The following ZNF428 variants were observed in gnomAD, a reference collection of about 807,000 sequenced individuals.
The protein encoded by ZNF428 is enzyme-like protein PIT13.
ZNF428 carries 5 observed loss-of-function variants against 15.6 expected under a neutral mutation model. The ratio of observed to expected loss-of-function variants is 0.32; its 90% confidence interval spans 0.17 to 0.67. The LOEUF (loss-of-function observed/expected upper bound fraction) is 0.67, where lower values mean the gene tolerates loss of function less well. ZNF428 is among the 30% of genes least tolerant of loss of function. ZNF428 has a pLI of 0.73. For missense variants in ZNF428, 237 were observed against 256.0 expected (o/e 0.93, Z 0.51); for synonymous variants, 97 against 102.2 (o/e 0.95, Z 0.31).
intron 2 of ZNF428, among the ~76,000 whole-genome samples, chr19:43,610,512 T>A (rs1973284465): frequency 6.6e-6 from 1 of 151,162 alleles, no homozygotes. Context: ...TTTTTCTCCA[T>A]CTTCTGACTC....
chr19:43,613,425 G>A (rs993083493), intron 2 of ZNF428: 1 of 1,528,516 alleles, frequency 6.5e-7, no homozygotes. Context: ...AACAAGGCGA[G>A]AGATTGCAGC....
Position 43,612,083 on chromosome 19 carries a change from A to T in ZNF428, c.76+2146T>A. On this transcript the variant is annotated intron_variant, in intron 2 of 2. Transcript: ENST00000300811. The surrounding 1 kb of genome is among the most constrained non-coding windows in gnomAD (Gnocchi z 4.2). ...CACGGCTACCAGGTGTTTCATGTCT[A>T]CTGTGACTTCCAGGACCACAAGCCC... 2 of 1,461,178 alleles carry T rather than the reference A, an allele frequency of 1.4e-6. No homozygotes were observed. Among genetic ancestry groups the T allele is most frequent in the Non-Finnish European group, 1.9e-6 (2 of 1,066,860 alleles). 90.5% of individuals were successfully genotyped at this position (1,461,178 alleles called of 1,614,324 possible).
rs1300076940 is a variant in ZNF428, at chr19:43,607,582, C to T, written c.*35G>A. 1 of 1,539,918 alleles carries T rather than the reference C, an allele frequency of 6.5e-7. No homozygotes were observed. On this transcript the variant is annotated 3_prime_UTR_variant, in exon 3 of 3. Transcript: ENST00000300811. This position sits in a 1 kb window ranked among gnomAD's most constrained non-coding sequence, Gnocchi z 5.1. ...TCCTCAGCCCCCTCCTCCCACCCCACCCCTTCTGCCAAGCTCCCCGTATGG... is the reference window on the plus strand; with the variant it reads ...TCCTCAGCCCCCTCCTCCCACCCCATCCCTTCTGCCAAGCTCCCCGTATGG...
At chr19:43,608,192 C>A in intron 2 of ZNF428, 85 bp from the exon 3 acceptor site, 1 of 1,525,306 alleles carries the variant, frequency 6.6e-7, no homozygotes, top group South Asian at 1.3e-5. Flanking sequence ...TCCCCACATT[C>A]AGACTTGCCA....
At chr19:43,611,340 G>A (rs984258180) in intron 2 of ZNF428, among the ~76,000 whole-genome samples, 7 of 146,102 alleles carry the variant, frequency 4.8e-5, no homozygotes, top group African/African-American at 7.7e-5. Context: ...TTTTTTTTTC[G>A]AGAGAGAGTC....
At chr19:43,613,688 C>T (rs756714810) in intron 2 of ZNF428, 8 of 1,551,338 alleles carry the variant, frequency 5.2e-6, no homozygotes, top group African/African-American at 4.1e-5. Context: ...AGATCACAGA[C>T]GATCTAGAAG....
At position 43,612,940 on chromosome 19, in the gene ZNF428, C is replaced by G. The variant is rs975413090; in HGVS notation, c.76+1289G>C. ...GGGTCAAGAGTTATAACCAGGCCAG[C>G]ACCCGCAGCAGGCCGCAAAGTCACA... On this transcript the variant is annotated intron_variant, in intron 2 of 2. Transcript: ENST00000300811. This position sits in a 1 kb window ranked among gnomAD's most constrained non-coding sequence, Gnocchi z 4.2. 3.2e-6 allele frequency: 5 copies of G among 1,551,678 alleles called. No individual in the cohort carries two copies. Among genetic ancestry groups the G allele is most frequent in the Non-Finnish European group, 4.4e-6 (5 of 1,146,974 alleles).
intron 1 of ZNF428, among the ~76,000 whole-genome samples, chr19:43,618,403 G>A (rs1350337167): frequency 6.6e-6 from 1 of 151,728 alleles, no homozygotes; most frequent in Non-Finnish European, 1.5e-5. Flanking sequence ...AGGGTGATCT[G>A]TAGGAAAGGG....
In ZNF428 at chr19:43,612,944, C is replaced by A. The variant is rs1302241925; in HGVS notation, c.76+1285G>T. On this transcript the variant is annotated intron_variant, in intron 2 of 2. Transcript: ENST00000300811. This position sits in a 1 kb window ranked among gnomAD's most constrained non-coding sequence, Gnocchi z 4.2. ...CAAGAGTTATAACCAGGCCAGCACC[C>A]GCAGCAGGCCGCAAAGTCACAGCCA... is the stretch of plus-strand genomic sequence containing the variant. 13 of 1,551,474 alleles carry A rather than the reference C, an allele frequency of 8.4e-6. No individual in the cohort carries two copies. The highest frequency in any genetic ancestry group is 1.1e-5 in the Non-Finnish European group (13 of 1,146,948).
intron 2 of ZNF428, among the ~76,000 whole-genome samples, chr19:43,611,796 T>C: frequency 6.6e-6 from 1 of 152,018 alleles, no homozygotes; most frequent in Non-Finnish European, 1.5e-5. Flanking sequence ...GTGGCCCCCC[T>C]CCCCACCCAC....
At chr19:43,610,226 G>A (rs1196467330) in intron 2 of ZNF428, among the ~76,000 whole-genome samples, 1 of 151,766 alleles carries the variant, frequency 6.6e-6, no homozygotes, top group African/African-American at 2.4e-5. Context: ...TTGAGATAGA[G>A]TCTCGCTCTG....
chr19:43,611,730 G>A (rs561658767), intron 2 of ZNF428, among the ~76,000 whole-genome samples: 1 of 152,142 alleles, frequency 6.6e-6, no homozygotes, highest in Non-Finnish European at 1.5e-5. Context: ...TGTCTCTCTC[G>A]TATGGGCTCC....
rs1973415643 is a variant in ZNF428 at position 43,619,585 on chromosome 19, T to TGCG, written c.-161_-159dup. The TGCG allele has an allele frequency of 6.6e-6, 1 of 152,294 alleles. No individual in the cohort carries two copies. Among genetic ancestry groups the TGCG allele is most frequent in the Non-Finnish European group, 1.5e-5 (1 of 68,106 alleles). The allele number at this position is 152,294 out of a possible 1,614,324, so 9.4% of individuals were successfully genotyped here. ...GCGCCGGCGGCCCCCGCTCCGGCTC[T>TGCG]GCGGCGGCGGCTGCACGCCCAGCCT... On this transcript the variant is annotated 5_prime_UTR_variant, in exon 1 of 3. Coordinates refer to ENST00000300811, the MANE Select transcript of ZNF428 (RefSeq NM_182498.4).
At chr19:43,611,464 C>T (rs1444163983) in intron 2 of ZNF428, among the ~76,000 whole-genome samples, 1 of 152,018 alleles carries the variant, frequency 6.6e-6, no homozygotes, top group East Asian at 1.9e-4. Flanking sequence ...GGATTACAAG[C>T]GTGTGCTATC....
rs532751564 is a variant in ZNF428 at position 43,615,235 on chromosome 19, G to C, written c.-130-801C>G. Among the ~76,000 whole-genome samples, 6 of 152,090 alleles carry C rather than the reference G, an allele frequency of 3.9e-5. No homozygotes were observed. The East Asian group carries it at 5.9e-4, about 15-fold the overall frequency. On this transcript the variant is annotated intron_variant, in intron 1 of 2. Coordinates refer to ENST00000300811, the MANE Select transcript of ZNF428 (RefSeq NM_182498.4). ...CACACTACACAGCAGACAACAGCTAGGTGTCCCCTCCGATTCCATTCCAAC... is the reference window on the plus strand; with the variant it reads ...CACACTACACAGCAGACAACAGCTACGTGTCCCCTCCGATTCCATTCCAAC...
chr19:43,617,356 C>T (rs1353000408), intron 1 of ZNF428, among the ~76,000 whole-genome samples: 1 of 152,140 alleles, frequency 6.6e-6, no homozygotes. Context: ...TCAGCTATAT[C>T]TCTTACATGC....
chr19:43,612,123 T>C lies in ZNF428; in HGVS notation c.76+2106A>G, dbSNP rs1201958447. On this transcript the variant is annotated intron_variant, in intron 2 of 2. Coordinates refer to ENST00000300811, the MANE Select transcript of ZNF428 (RefSeq NM_182498.4). This position sits in a 1 kb window ranked among gnomAD's most constrained non-coding sequence, Gnocchi z 4.2. ...ACCACAAGCCCTTTTGCGCCCACCA[T>C]GTCTTCACCTAAGAGATCTTCAAAG... is the stretch of plus-strand genomic sequence containing the variant. 9 of 1,550,954 alleles carry C rather than the reference T, an allele frequency of 5.8e-6. No individual in the cohort carries two copies. In the East Asian group the frequency reaches 1.2e-4, roughly 21 times the overall value.
chr19:43,612,504 G>T lies in ZNF428; in HGVS notation c.76+1725C>A. 2 of 1,551,426 alleles carry T rather than the reference G, an allele frequency of 1.3e-6. No homozygotes were observed. Among genetic ancestry groups the T allele is most frequent in the South Asian group, 2.4e-5 (2 of 84,058 alleles). On this transcript the variant is annotated intron_variant, in intron 2 of 2. Coordinates refer to ENST00000300811, the MANE Select transcript of ZNF428 (RefSeq NM_182498.4). This position sits in a 1 kb window ranked among gnomAD's most constrained non-coding sequence, Gnocchi z 4.2. ...CGGGGTAGGACACCTGGCAGAAGGG[G>T]AAGCCGCAGCTCCAAGAGGTCACCC...
In ZNF428 at chr19:43,607,497, T is replaced by A. The variant is rs1468277583; in HGVS notation, c.*120A>T. The A allele has an allele frequency of 3.8e-6, 5 of 1,302,960 alleles. No individual in the cohort carries two copies. In the African/African-American group the frequency reaches 7.5e-5, roughly 19 times the overall value. 80.7% of individuals were successfully genotyped at this position (1,302,960 alleles called of 1,614,324 possible). On this transcript the variant is annotated 3_prime_UTR_variant, in exon 3 of 3. Transcript: ENST00000300811. The surrounding 1 kb of genome is among the most constrained non-coding windows in gnomAD (Gnocchi z 5.1). Reference sequence around the variant, plus strand: ...TTATTCTGGCCATCACACATCTACTTCTAAGACAACACAGACCGGCAGTAC... The same window carrying A: ...TTATTCTGGCCATCACACATCTACTACTAAGACAACACAGACCGGCAGTAC...
Sources: allele counts gnomAD v4.1 joint callset (sites outside exome capture counted in the v4.1 genomes callset), GRCh38; gene constraint gnomAD v4.1.1; non-coding constraint Gnocchi (gnomAD v3.1); transcripts MANE v1.5; gene names NCBI Gene and HGNC (gene_info 2026-07-23, HGNC 2026-07-21).